PTPRT: variants seen among roughly 807,000 people sequenced by gnomAD.
The protein encoded by PTPRT is receptor-type tyrosine-protein phosphatase T.
A neutral mutation model predicts 176.8 loss-of-function variants in PTPRT; 56 were observed. The ratio of observed to expected loss-of-function variants is 0.32; its 90% CI spans 0.26 to 0.40. The LOEUF (loss-of-function observed/expected upper bound fraction) is 0.40, where lower values mean the gene tolerates loss of function less well. Ranked by LOEUF, PTPRT falls within the 10% of genes least tolerant of loss-of-function variation. The pLI is 1.00. For synonymous variants in PTPRT, 783 were observed against 739.0 expected (o/e 1.06, Z -0.96); for missense variants, 1,540 against 1,908.2 (o/e 0.81, Z 3.60).
intron 11 of PTPRT, among the ~76,000 whole-genome samples, chr20:42,348,629 G>A (rs1020584100): frequency 6.6e-6 from 1 of 152,098 alleles, no homozygotes; most frequent in African/African-American, 2.4e-5. Flanking sequence ...GAGAATACAG[G>A]TAGTGTTATA....
rs1982574069 is a variant in PTPRT at position 42,074,380 on chromosome 20, G to C, written c.*6499C>G. ...GACCCTTTCTCCTCCACATCCAAGA[G>C]TCCTGCTCACTAAGGAACCATGAAC... On this transcript the variant is annotated 3_prime_UTR_variant, in exon 31 of 31. Transcript: ENST00000373187. The C allele has an allele frequency of 4.2e-6, 1 of 240,734 alleles. No homozygotes were observed. Among genetic ancestry groups the C allele is most frequent in the Admixed American group, 5.6e-5 (1 of 17,988 alleles). The allele number at this position is 240,734 out of a possible 1,614,324, so 14.9% of individuals were successfully genotyped here.
chr20:42,144,570 GA>G (rs940295497), intron 17 of PTPRT, among the ~76,000 whole-genome samples: 1 of 152,138 alleles, frequency 6.6e-6, no homozygotes, highest in Non-Finnish European at 1.5e-5. Flanking sequence ...GAAACACAGG[GA>G]AGGGTGCAGT....
intron 19 of PTPRT, among the ~76,000 whole-genome samples, chr20:42,121,912 A>G (rs1987611413): frequency 6.6e-6 from 1 of 152,150 alleles, no homozygotes. Flanking sequence ...AAAAACTCCC[A>G]GAAACAGAAA....
intron 1 of PTPRT, among the ~76,000 whole-genome samples, chr20:43,068,515 A>G (rs1216538929): frequency 6.6e-6 from 1 of 151,396 alleles, no homozygotes. Flanking sequence ...AAAAAAAAAA[A>G]AAAAAAAAAG....
chr20:42,971,339 A>G (rs148100814), intron 1 of PTPRT: 55 of 152,298 alleles, frequency 3.6e-4, no homozygotes, highest in African/African-American at 1.2e-3. Flanking sequence ...CAAATCATAT[A>G]CCTGAGAAAA....
At chr20:42,178,440 T>C (rs552726229) in intron 16 of PTPRT, among the ~76,000 whole-genome samples, 1 of 152,288 alleles carries the variant, frequency 6.6e-6, no homozygotes, top group East Asian at 1.9e-4. Flanking sequence ...TCTTGTCTAT[T>C]GAAATGCATC....
rs1400867663 is a variant in PTPRT at position 42,839,194 on chromosome 20, C to T, written c.214+46613G>A. Among the ~76,000 whole-genome samples, 5 of 152,086 alleles carry T rather than the reference C, an allele frequency of 3.3e-5. No homozygotes were observed. In the South Asian group the frequency reaches 6.2e-4, roughly 19 times the overall value. On this transcript the variant is annotated intron_variant, in intron 2 of 30. Coordinates refer to ENST00000373187, the MANE Select transcript of PTPRT (RefSeq NM_007050.6). The stretch of plus-strand genomic sequence containing the variant: ...TCACACGGCCTCCCTGGTTGCCCAT[C>T]AGCCTTTCCCACCTTGGGCAGGATT...
intron 6 of PTPRT, among the ~76,000 whole-genome samples, chr20:42,694,939 C>T (rs1036585752): frequency 1.3e-5 from 2 of 152,184 alleles, no homozygotes; most frequent in African/African-American, 4.8e-5. Flanking sequence ...GCTCACAGAG[C>T]TCCTGGCTGT....
At chr20:42,799,090 A>T (rs908834354) in intron 2 of PTPRT, among the ~76,000 whole-genome samples, 3 of 152,066 alleles carry the variant, frequency 2.0e-5, no homozygotes, top group Admixed American at 2.0e-4. Context: ...GGGGAAGAAG[A>T]AAGAAAAGAA....
the PTPRT span, among the ~76,000 whole-genome samples, chr20:42,059,165 C>T: frequency 6.6e-6 from 1 of 152,152 alleles, no homozygotes; most frequent in African/African-American, 2.4e-5. Flanking sequence ...TGATGTTGCC[C>T]CAGGCCACAC....
At chr20:42,120,591 T>C (rs1423917337) in intron 19 of PTPRT, among the ~76,000 whole-genome samples, 3 of 152,230 alleles carry the variant, frequency 2.0e-5, no homozygotes, top group African/African-American at 7.2e-5. Flanking sequence ...TTCTAATTTC[T>C]CTGTACATTT....
At chr20:42,286,092 A>G (rs148810190) in intron 12 of PTPRT, among the ~76,000 whole-genome samples, 120 of 152,134 alleles carry the variant, frequency 7.9e-4, no homozygotes, top group East Asian at 7.1e-3. Flanking sequence ...GAAGGGAAAC[A>G]AATAGAAAGA....
chr20:42,282,252 C>T (rs1272468251), intron 13 of PTPRT, among the ~76,000 whole-genome samples: 1 of 152,124 alleles, frequency 6.6e-6, no homozygotes, highest in Non-Finnish European at 1.5e-5. Context: ...CCTTTTACAC[C>T]ATTCATCCAC....
chr20:42,338,168 A>G (rs558471928), intron 11 of PTPRT, among the ~76,000 whole-genome samples: 8 of 152,232 alleles, frequency 5.3e-5, no homozygotes, highest in Non-Finnish European at 1.0e-4. Context: ...TGCTTTTTCA[A>G]TTAGGCACTC....
intron 16 of PTPRT, among the ~76,000 whole-genome samples, chr20:42,193,698 A>G (rs542392722): frequency 3.9e-5 from 6 of 152,330 alleles, no homozygotes; most frequent in East Asian, 1.9e-4. Context: ...TAGGTGCCCA[A>G]TAAAAGTTAT....
chr20:42,175,256 C>T (rs934997036), intron 16 of PTPRT, among the ~76,000 whole-genome samples: 1 of 152,260 alleles, frequency 6.6e-6, no homozygotes, highest in East Asian at 1.9e-4. Context: ...ATTGGTCTAG[C>T]TCTCACCAAT....
chr20:42,143,611 T>C (rs1988730695), intron 17 of PTPRT, among the ~76,000 whole-genome samples: 1 of 151,794 alleles, frequency 6.6e-6, no homozygotes. Flanking sequence ...TGATGGTACC[T>C]TGGACTCTTA....
intron 6 of PTPRT, among the ~76,000 whole-genome samples, chr20:42,739,173 C>A (rs1019047853): frequency 6.6e-6 from 1 of 152,164 alleles, no homozygotes; most frequent in Non-Finnish European, 1.5e-5. Context: ...CAGGCTCGAC[C>A]CCTGCACCTG....
At chr20:42,738,665 G>A (rs752507054) in intron 6 of PTPRT, among the ~76,000 whole-genome samples, 6 of 152,118 alleles carry the variant, frequency 3.9e-5, no homozygotes, top group Non-Finnish European at 5.9e-5. Flanking sequence ...AAGATTACTG[G>A]GGCATAACAG....
Sources: allele counts gnomAD v4.1 joint callset (sites outside exome capture counted in the v4.1 genomes callset), GRCh38; gene constraint gnomAD v4.1.1; transcripts MANE v1.5; gene names NCBI Gene and HGNC (gene_info 2026-07-23, HGNC 2026-07-21).